The following HACL2 variants were observed in gnomAD, a reference collection of about 807,000 sequenced individuals.
HACL2 encodes the protein 2-hydroxyacyl-CoA lyase 1 like.
chr19:15,115,112 C>A, the HACL2 span: 1 of 942,756 alleles, frequency 1.1e-6, no homozygotes, highest in African/African-American at 1.6e-5. Context: ...GAGATTTGAC[C>A]CCTCCATCCC....
the HACL2 span, chr19:15,120,086 A>C: frequency 1.3e-6 from 2 of 1,532,296 alleles, no homozygotes; most frequent in Non-Finnish European, 8.8e-7. Context: ...AAATACCTGC[A>C]AAAGGGAGGG....
chr19:15,118,215 G>C, the HACL2 span, among the ~76,000 whole-genome samples: 1 of 152,144 alleles, frequency 6.6e-6, no homozygotes, highest in Non-Finnish European at 1.5e-5. Context: ...CAACAGGATA[G>C]GGCAGAGGCA....
At chr19:15,122,340 G>A in the HACL2 span, among the ~76,000 whole-genome samples, 5 of 152,012 alleles carry the variant, frequency 3.3e-5, no homozygotes, top group Admixed American at 1.3e-4. This position sits in a 1 kb window ranked among gnomAD's most constrained non-coding sequence, Gnocchi z 4.0. Flanking sequence ...AAAACGGAGA[G>A]GACGATGGGA....
At chr19:15,125,083 G>A in the HACL2 span, 14 of 1,516,126 alleles carry the variant, frequency 9.2e-6, no homozygotes, top group African/African-American at 1.3e-4. Flanking sequence ...AGAGAGAAAG[G>A]GCACTTCCCA....
At chr19:15,125,261 C>A in the HACL2 span, 4 of 611,746 alleles carry the variant, frequency 6.5e-6, no homozygotes, top group East Asian at 3.0e-5. Flanking sequence ...CTCTCCGTGA[C>A]AAGGTCACGC....
the HACL2 span, chr19:15,119,835 G>A: frequency 1.6e-6 from 1 of 618,864 alleles, no homozygotes; most frequent in Non-Finnish European, 2.8e-6. Context: ...GCTGCTGTGA[G>A]CCACCGCGTC....
the HACL2 span, chr19:15,115,993 T>C: frequency 1.2e-6 from 2 of 1,613,984 alleles, no homozygotes; most frequent in Non-Finnish European, 1.7e-6. Flanking sequence ...CCAACTCCAG[T>C]GCCTCACCTC....
chr19:15,124,896 C>A, the HACL2 span: 1 of 1,583,604 alleles, frequency 6.3e-7, no homozygotes, highest in South Asian at 1.2e-5. Flanking sequence ...TGACTGCCCC[C>A]AGCCCACCTC....
At chr19:15,116,374 C>T in the HACL2 span, 1 of 1,613,780 alleles carries the variant, frequency 6.2e-7, no homozygotes, top group Non-Finnish European at 8.5e-7. Flanking sequence ...CTGCCGGGAA[C>T]CCCCTTCCCA....
At chr19:15,122,969 C>G in the HACL2 span, 1 of 1,603,908 alleles carries the variant, frequency 6.2e-7, no homozygotes, top group Non-Finnish European at 8.5e-7. The surrounding 1 kb of genome is among the most constrained non-coding windows in gnomAD (Gnocchi z 4.0). Flanking sequence ...CACAGACACA[C>G]AAAACTTACA....
At chr19:15,115,100 C>CT in the HACL2 span, 1 of 846,246 alleles carries the variant, frequency 1.2e-6, no homozygotes, top group Non-Finnish European at 1.9e-6. Context: ...GAGAGCCTCT[C>CT]TGAGATTTGA....
the HACL2 span, among the ~76,000 whole-genome samples, chr19:15,120,911 GAT>G: frequency 1.2e-4 from 19 of 152,186 alleles, no homozygotes; most frequent in Admixed American, 1.2e-3. Flanking sequence ...CAGCCTGGGT[GAT>G]AGAGTGAGGC....
At chr19:15,117,735 A>T in the HACL2 span, 1 of 775,910 alleles carries the variant, frequency 1.3e-6, no homozygotes, top group Non-Finnish European at 2.1e-6. Context: ...TTTGAGAGCC[A>T]ACTATTTGTC....
the HACL2 span, chr19:15,125,149 G>C: frequency 7.4e-7 from 1 of 1,348,846 alleles, no homozygotes; most frequent in Non-Finnish European, 1.0e-6. Context: ...TCTCGCAGCA[G>C]GATCCAGGGC....
the HACL2 span, chr19:15,123,876 T>A: frequency 4.5e-6 from 2 of 442,920 alleles, no homozygotes; most frequent in East Asian, 8.0e-5. This position sits in a 1 kb window ranked among gnomAD's most constrained non-coding sequence, Gnocchi z 5.1. Context: ...ACACTGCCTG[T>A]CTCCAGGATG....
chr19:15,115,773 C>T, the HACL2 span: 1 of 1,571,918 alleles, frequency 6.4e-7, no homozygotes, highest in Non-Finnish European at 8.7e-7. Flanking sequence ...AGGAGGCTCC[C>T]TCCCCACCTC....
the HACL2 span, chr19:15,125,207 C>T: frequency 1.2e-6 from 1 of 830,084 alleles, no homozygotes; most frequent in Non-Finnish European, 1.9e-6. Context: ...CCAACCCTGC[C>T]AGACCACGCC....
chr19:15,123,845 G>A, the HACL2 span: 19 of 523,598 alleles, frequency 3.6e-5, no homozygotes, highest in South Asian at 3.2e-4. This position sits in a 1 kb window ranked among gnomAD's most constrained non-coding sequence, Gnocchi z 5.1. Flanking sequence ...TAGAACCCAC[G>A]CTCTTAAGTG....
At chr19:15,119,951 G>C in the HACL2 span, 3 of 1,452,682 alleles carry the variant, frequency 2.1e-6, no homozygotes, top group Non-Finnish European at 2.8e-6. Context: ...GAGAGGGTAG[G>C]GTCCTCAGAC....
Sources: allele counts gnomAD v4.1 joint callset (sites outside exome capture counted in the v4.1 genomes callset), GRCh38; gene constraint gnomAD v4.1.1; non-coding constraint Gnocchi (gnomAD v3.1); transcripts MANE v1.5; gene names NCBI Gene and HGNC (gene_info 2026-07-23, HGNC 2026-07-21).